Variants in LAMC1 observed in about 807,000 individuals in gnomAD.
The protein encoded by LAMC1 is laminin subunit gamma-1.
Under a neutral mutation model 173.6 loss-of-function variants are expected in LAMC1, and 38 were observed. The observed-to-expected ratio is 0.22, with a 90% CI of 0.17 to 0.29. The LOEUF is 0.29. Among genes scored for constraint, LAMC1 ranks in the 10% least tolerant of loss-of-function variants. LAMC1 has a pLI of 1.00. For synonymous variants in LAMC1, 746 were observed against 749.1 expected, an observed-to-expected ratio of 1.00 and a Z score of 0.07; for missense variants, 1,824 against 2,051.8, an observed-to-expected ratio of 0.89 and a Z score of 2.14.
intron 1 of LAMC1, among the ~76,000 whole-genome samples, chr1:183,085,148 T>C (rs1011491367): frequency 1.3e-5 from 2 of 149,778 alleles, no homozygotes; most frequent in Non-Finnish European, 3.0e-5. Flanking sequence ...ACCTAGGAGG[T>C]GGGAGGCTAC....
intron 26 of LAMC1, among the ~76,000 whole-genome samples, chr1:183,139,397 AG>A: frequency 6.6e-6 from 1 of 152,276 alleles, no homozygotes; most frequent in East Asian, 1.9e-4. Context: ...TTGGAAGAGG[AG>A]GCTGGAGACC....
At chr1:183,106,002 GA>G (rs1028234615) in intron 2 of LAMC1, among the ~76,000 whole-genome samples, 1 of 152,152 alleles carries the variant, frequency 6.6e-6, no homozygotes, top group Non-Finnish European at 1.5e-5. Flanking sequence ...TAAGCCCTTT[GA>G]TTTTCTACCT....
chr1:183,042,856 T>G (rs919686621), intron 1 of LAMC1, among the ~76,000 whole-genome samples: 6 of 152,202 alleles, frequency 3.9e-5, no homozygotes, highest in African/African-American at 1.2e-4. Flanking sequence ...GTTGTGTACT[T>G]ACACTGATGG....
intron 17 of LAMC1, among the ~76,000 whole-genome samples, chr1:183,128,317 ATAAAC>A (rs1459750895): frequency 6.6e-6 from 1 of 152,154 alleles, no homozygotes; most frequent in African/African-American, 2.4e-5. Context: ...AGCTGGAAAA[ATAAAC>A]TAGCCACGTC....
intron 1 of LAMC1, among the ~76,000 whole-genome samples, chr1:183,073,133 C>T (rs779903152): frequency 9.9e-5 from 15 of 152,092 alleles, no homozygotes; most frequent in Non-Finnish European, 2.1e-4. Flanking sequence ...AACATCATTG[C>T]TTGGTGTTTT....
intron 21 of LAMC1, among the ~76,000 whole-genome samples, chr1:183,133,086 T>G (rs1656843373): frequency 6.6e-6 from 1 of 152,064 alleles, no homozygotes; most frequent in South Asian, 2.1e-4. Context: ...AATTTTTGTA[T>G]TTTCAGTAGA....
In LAMC1 at chr1:183,136,451, A is replaced by G. The variant is rs200654435; in HGVS notation, c.4180A>G (p.Ile1394Val). 13 of 1,614,220 alleles carry G rather than the reference A, an allele frequency of 8.1e-6. No homozygotes were observed. The highest frequency in any genetic ancestry group is 9.3e-6 in the Non-Finnish European group (11 of 1,180,030). ...GGAGGCACTAAGGAAGATTCCTGCCATCAACCAGACCATCACTGAAGCCAA... is the reference window on the plus strand; with the variant it reads ...GGAGGCACTAAGGAAGATTCCTGCCGTCAACCAGACCATCACTGAAGCCAA... ...AEEALRKIPA[I>V]NQTITEANEK... is the part of the protein sequence containing the mutation. Residue 1394 changes from isoleucine to valine, a missense_variant, in exon 25 of 28, where the codon ATC becomes GTC. Coordinates refer to ENST00000258341, the MANE Select transcript of LAMC1 (RefSeq NM_002293.4).
chr1:183,073,989 T>A (rs1207716727), intron 1 of LAMC1, among the ~76,000 whole-genome samples: 2 of 152,192 alleles, frequency 1.3e-5, no homozygotes, highest in Non-Finnish European at 2.9e-5. Context: ...TGGGTTTAAT[T>A]TGCAGGATTT....
chr1:183,047,115 C>A (rs964562639), intron 1 of LAMC1, among the ~76,000 whole-genome samples: 1 of 152,084 alleles, frequency 6.6e-6, no homozygotes, highest in Non-Finnish European at 1.5e-5. Context: ...AGGTAGTATA[C>A]AGATATTATT....
In LAMC1 at chr1:183,127,368, G is replaced by A; in HGVS notation, c.3087G>A (p.Gln1029=). ...ACAATCGGTCTTGGCCTGGCTGCCA[G>A]GAATGTCCAGCTTGTTACCGGCTGG... is the stretch of plus-strand genomic sequence containing the variant. The part of the protein sequence containing the change: ...YFYNRSWPGC[Q]ECPACYRLVK... The change falls in exon 17 of 28, where the codon CAG becomes CAA. Residue 1029 remains glutamine, a synonymous_variant. Transcript: ENST00000258341. The A allele has an allele frequency of 6.2e-7, 1 of 1,614,130 alleles. No individual in the cohort carries two copies.
Position 183,126,149 on chromosome 1 carries a change from A to G in LAMC1, c.2831A>G (p.Asn944Ser), listed in dbSNP as rs570125845. 9.9e-5 allele frequency: 159 copies of G among 1,614,156 alleles called. No homozygotes were observed. In the South Asian group the frequency reaches 1.4e-3, roughly 14 times the overall value. ...GACTGCCATGCCTTGGGCTCCACCAATGGGCAGTGTGACATCCGCACCGGC... is the reference window on the plus strand; with the variant it reads ...GACTGCCATGCCTTGGGCTCCACCAGTGGGCAGTGTGACATCCGCACCGGC... ...RCDCHALGST[N>S]GQCDIRTGQC... Residue 944 changes from asparagine (N) to serine (S), a missense_variant, in exon 16 of 28, where the codon AAT (asparagine) becomes AGT (serine). Physicochemically the swap from Asn to Ser is conservative, Grantham distance 46. Transcript: ENST00000258341.
chr1:183,120,667 G>A (rs1375196845), intron 11 of LAMC1, among the ~76,000 whole-genome samples: 1 of 152,218 alleles, frequency 6.6e-6, no homozygotes, highest in Non-Finnish European at 1.5e-5. Context: ...GTTGATGCTT[G>A]TATCAGGGGC....
At chr1:183,084,517 T>C (rs1655375441) in intron 1 of LAMC1, among the ~76,000 whole-genome samples, 2 of 152,186 alleles carry the variant, frequency 1.3e-5, no homozygotes, top group Admixed American at 1.3e-4. Flanking sequence ...TTCTGAAACT[T>C]GTATTATCTG....
Position 183,117,377 on chromosome 1 carries a change from C to G in LAMC1, c.1622C>G (p.Ser541Cys). 6.2e-7 allele frequency: 1 copy of G among 1,613,786 alleles called. No individual in the cohort carries two copies. The highest frequency in any genetic ancestry group is 1.1e-5 in the South Asian group (1 of 91,058). Residue 541 changes from serine (S) to cysteine (C), a missense_variant, in exon 9 of 28, where the codon TCC becomes TGC. By Grantham distance (112) the Ser-to-Cys change is moderately radical. Coordinates refer to ENST00000258341, the MANE Select transcript of LAMC1 (RefSeq NM_002293.4). ...RDGSEASLEW[S>C]SERQDIAVIS... ...GGCTCTGAAGCATCTCTCGAGTGGTCCTCTGAGAGGCAAGATATCGCCGTG... is the reference window on the plus strand; with the variant it reads ...GGCTCTGAAGCATCTCTCGAGTGGTGCTCTGAGAGGCAAGATATCGCCGTG...
intron 1 of LAMC1, among the ~76,000 whole-genome samples, chr1:183,076,473 T>C (rs532593292): frequency 6.6e-6 from 1 of 152,200 alleles, no homozygotes; most frequent in East Asian, 1.9e-4. Context: ...GCTCCTTCGA[T>C]GTTTTCCATG....
chr1:183,116,407 G>A (rs531752997), intron 6 of LAMC1, among the ~76,000 whole-genome samples, 170 bp from the exon 7 acceptor site: 2 of 151,996 alleles, frequency 1.3e-5, no homozygotes, highest in African/African-American at 4.8e-5. Context: ...AACCCTGGAG[G>A]CGGAGGTTGC....
At chr1:183,064,757 G>T (rs1654831118) in intron 1 of LAMC1, among the ~76,000 whole-genome samples, 1 of 152,156 alleles carries the variant, frequency 6.6e-6, no homozygotes, top group Non-Finnish European at 1.5e-5. Context: ...CGTTCATTAT[G>T]ATACATTTAT....
In LAMC1 at chr1:183,103,651, G is replaced by T. The variant is rs61811798; in HGVS notation, c.723+19G>T. The T allele has an allele frequency of 0.03, 45,005 of 1,523,634 alleles. 808 individuals carry two copies. The highest frequency in any genetic ancestry group is 0.035 in the Non-Finnish European group (40,049 of 1,136,922). 94.4% of individuals were successfully genotyped at this position (1,523,634 alleles called of 1,614,324 possible). ...GCTGCAGGTAAATTCTCACAGGTTG[G>T]CCTGAAGCCAGCTAGTTCTACAACA... On this transcript the variant is annotated intron_variant, in intron 2 of 27. Coordinates refer to ENST00000258341, the MANE Select transcript of LAMC1 (RefSeq NM_002293.4).
intron 1 of LAMC1, among the ~76,000 whole-genome samples, chr1:183,031,935 G>GA (rs11383690): frequency 0.099 from 14,962 of 150,446 alleles, 969 homozygotes; most frequent in Admixed American, 0.2. Context: ...AAAGATTAAA[G>GA]AAAAAAAAAC....
Sources: allele counts gnomAD v4.1 joint callset (sites outside exome capture counted in the v4.1 genomes callset), GRCh38; gene constraint gnomAD v4.1.1; transcripts MANE v1.5; gene names NCBI Gene and HGNC (gene_info 2026-07-23, HGNC 2026-07-21).